The following SMCO4 variants were observed in gnomAD, a reference collection of about 807,000 sequenced individuals.
SMCO4 encodes single-pass membrane protein with coiled-coil domains 4.
Under a neutral mutation model 3.6 loss-of-function variants are expected in SMCO4, and 4 were observed. That is an observed-to-expected ratio of 1.11 (90% CI 0.54 to 2.53). The LOEUF is 2.53. Ranked by LOEUF, SMCO4 falls within the 30% of genes most tolerant of loss-of-function variation. The pLI, the probability that SMCO4 is intolerant of heterozygous loss-of-function variation, is 0.02. For missense variants in SMCO4, 70 were observed against 80.8 expected (o/e 0.87, Z 0.51); for synonymous variants, 36 against 35.3 (o/e 1.02, Z -0.07).
chr11:93,486,765 C>T (rs112973066), intron 2 of SMCO4, among the ~76,000 whole-genome samples: 2 of 152,286 alleles, frequency 1.3e-5, no homozygotes, highest in South Asian at 2.1e-4. Context: ...TGTACACTAA[C>T]GCCCATTACA....
At chr11:93,538,861 C>T (rs1017231035) in intron 1 of SMCO4, among the ~76,000 whole-genome samples, 1 of 152,196 alleles carries the variant, frequency 6.6e-6, no homozygotes, top group Non-Finnish European at 1.5e-5. Context: ...AGTTTCTCTA[C>T]ACCTAATTTC....
chr11:93,552,355 G>A, the SMCO4 span, among the ~76,000 whole-genome samples: 1 of 150,766 alleles, frequency 6.6e-6, no homozygotes, highest in Non-Finnish European at 1.5e-5. Context: ...GGCCAGGCTG[G>A]TTTCAAACTC....
chr11:93,531,731 A>C (rs1192390748), intron 1 of SMCO4, among the ~76,000 whole-genome samples: 1 of 152,202 alleles, frequency 6.6e-6, no homozygotes, highest in Non-Finnish European at 1.5e-5. Context: ...GCAGTTGTGA[A>C]AGGAAAATAA....
At chr11:93,539,777 T>C (rs2134641763) in intron 1 of SMCO4, among the ~76,000 whole-genome samples, 1 of 151,918 alleles carries the variant, frequency 6.6e-6, no homozygotes, top group East Asian at 1.9e-4. Flanking sequence ...TAGATGGAAA[T>C]TGGTCCCATA....
At chr11:93,490,980 G>A (rs538876536) in intron 2 of SMCO4, among the ~76,000 whole-genome samples, 1 of 152,192 alleles carries the variant, frequency 6.6e-6, no homozygotes, top group African/African-American at 2.4e-5. Flanking sequence ...TGAATAAGTG[G>A]TTATAAGAAT....
chr11:93,512,918 G>A (rs1948971284), intron 1 of SMCO4, among the ~76,000 whole-genome samples: 1 of 152,188 alleles, frequency 6.6e-6, no homozygotes, highest in Non-Finnish European at 1.5e-5. Flanking sequence ...AAGGCCAAAG[G>A]CAAAGGCCCT....
intron 1 of SMCO4, among the ~76,000 whole-genome samples, chr11:93,511,871 C>T (rs965066370): frequency 4.6e-5 from 7 of 152,144 alleles, no homozygotes; most frequent in Non-Finnish European, 8.8e-5. Context: ...TTAAACTGCA[C>T]GGTAGGAGGA....
In SMCO4 at chr11:93,503,237, T is replaced by C. The variant is rs75132623; in HGVS notation, c.-153-3889A>G. 5.6e-3 allele frequency among the ~76,000 whole-genome samples: 858 copies of C among 152,258 alleles called. 4 individuals are homozygous for C. Among genetic ancestry groups the C allele is most frequent in the African/African-American group, 0.019 (807 of 41,536 alleles). ...TTCCATTGTGAGGCCCCCCCAACCA[T>C]GGTGAAAGGCAAAAGGCATGTCTTA... On this transcript the variant is annotated intron_variant, in intron 1 of 2. Transcript: ENST00000298966.
At chr11:93,531,559 C>T (rs1270550503) in intron 1 of SMCO4, among the ~76,000 whole-genome samples, 1 of 152,238 alleles carries the variant, frequency 6.6e-6, no homozygotes, top group Non-Finnish European at 1.5e-5. Context: ...TATACATACA[C>T]ATAACCCTAT....
At chr11:93,526,654 T>C (rs1949111344) in intron 1 of SMCO4, among the ~76,000 whole-genome samples, 1 of 152,194 alleles carries the variant, frequency 6.6e-6, no homozygotes, top group Non-Finnish European at 1.5e-5. Context: ...CCCACTGTTC[T>C]CACGCACCAT....
At chr11:93,529,755 G>A (rs375025100) in intron 1 of SMCO4, among the ~76,000 whole-genome samples, 15 of 152,332 alleles carry the variant, frequency 9.8e-5, no homozygotes, top group African/African-American at 3.6e-4. Context: ...CTGAACCGAC[G>A]ACACAGGCCA....
upstream of SMCO4, among the ~76,000 whole-genome samples, chr11:93,544,944 G>T (rs543108236): frequency 3.3e-5 from 5 of 152,262 alleles, no homozygotes; most frequent in East Asian, 9.7e-4. Flanking sequence ...AGAATGAGGG[G>T]AACACGCGTG....
intron 2 of SMCO4, among the ~76,000 whole-genome samples, chr11:93,491,005 G>A (rs1473583047): frequency 6.6e-6 from 1 of 152,244 alleles, no homozygotes; most frequent in Non-Finnish European, 1.5e-5. Flanking sequence ...TGCAAGCAAT[G>A]TGTGTGAAAA....
At chr11:93,516,142 A>G (rs1949005878) in intron 1 of SMCO4, among the ~76,000 whole-genome samples, 1 of 152,202 alleles carries the variant, frequency 6.6e-6, no homozygotes, top group African/African-American at 2.4e-5. Context: ...AAGATTTTTT[A>G]ATTACAAAAA....
At chr11:93,482,430 G>C (rs1948602545) in intron 2 of SMCO4, among the ~76,000 whole-genome samples, 1 of 152,210 alleles carries the variant, frequency 6.6e-6, no homozygotes, top group Non-Finnish European at 1.5e-5. Flanking sequence ...AATGAGTCAG[G>C]AGCTGGGTCT....
rs117084061 is a variant in SMCO4, at chr11:93,531,415, G to C, written c.-154+11861C>G. On this transcript the variant is annotated intron_variant, in intron 1 of 2. Coordinates refer to ENST00000298966, the MANE Select transcript of SMCO4 (RefSeq NM_020179.3). ...GAACTGACACCATTGGCTCTCCTGG[G>C]TCTCAAGGCCTCAGTACTTGGATTG... Among the ~76,000 whole-genome samples the C allele has an allele frequency of 5.9e-5, 9 of 152,122 alleles. No homozygotes were observed. In the East Asian group the frequency reaches 1.5e-3, roughly 26 times the overall value.
chr11:93,552,754 G>C, the SMCO4 span, among the ~76,000 whole-genome samples: 5 of 152,068 alleles, frequency 3.3e-5, no homozygotes, highest in African/African-American at 1.2e-4. Flanking sequence ...TTACAGGCGT[G>C]AGCCACCGCA....
In SMCO4 at chr11:93,535,770, C is replaced by G. The variant is rs917090228; in HGVS notation, c.-154+7506G>C. 42 of 1,601,856 alleles carry G rather than the reference C, an allele frequency of 2.6e-5. No individual in the cohort carries two copies. The African/African-American group carries it at 3.9e-4, about 15-fold the overall frequency. ...GGCTGAAGAAGAGAGACAAAAAGAA[C>G]AAAACTAAGAAGACCAAAGCAGCAG... On this transcript the variant is annotated intron_variant, in intron 1 of 2. Coordinates refer to ENST00000298966, the MANE Select transcript of SMCO4 (RefSeq NM_020179.3).
rs1219920784 is a variant in SMCO4, at chr11:93,529,047, G to A, written c.-154+14229C>T. Among the ~76,000 whole-genome samples the A allele has an allele frequency of 2.0e-5, 3 of 152,146 alleles. No individual in the cohort carries two copies. The East Asian group carries it at 5.8e-4, about 29-fold the overall frequency. On this transcript the variant is annotated intron_variant, in intron 1 of 2. Transcript: ENST00000298966. ...AGCCCTGTCTGGCTCCCACTCGTGG[G>A]CAAGGCCTTTCTGTTCTAACTATAA...
Sources: allele counts gnomAD v4.1 joint callset (sites outside exome capture counted in the v4.1 genomes callset), GRCh38; gene constraint gnomAD v4.1.1; transcripts MANE v1.5; gene names NCBI Gene and HGNC (gene_info 2026-07-23, HGNC 2026-07-21).